CDH18: variants seen among roughly 807,000 people sequenced by gnomAD.
CDH18 encodes cadherin-18.
Under a neutral mutation model 67.9 loss-of-function variants are expected in CDH18, and 31 were observed. The ratio of observed to expected loss-of-function variants is 0.46; its 90% CI spans 0.34 to 0.62. The LOEUF (loss-of-function observed/expected upper bound fraction) is 0.62, where lower values mean the gene tolerates loss of function less well. CDH18 is among the 20% of genes least tolerant of loss of function. The pLI is 0.01. For synonymous variants in CDH18, 362 were observed against 347.2 expected (o/e 1.04, Z -0.48); for missense variants, 890 against 975.5 (o/e 0.91, Z 1.17).
chr5:20,051,166 T>C (rs1406354855), intron 2 of CDH18, among the ~76,000 whole-genome samples: 4 of 151,978 alleles, frequency 2.6e-5, no homozygotes, highest in Admixed American at 2.6e-4. Flanking sequence ...ATAAAATTGC[T>C]ATCCTATTTT....
chr5:20,374,157 A>G (rs1743227340), intron 1 of CDH18, among the ~76,000 whole-genome samples: 1 of 152,166 alleles, frequency 6.6e-6, no homozygotes, highest in African/African-American at 2.4e-5. Flanking sequence ...ATTACAAGGA[A>G]TGGGTTAAAA....
chr5:20,358,115 A>T (rs1000678789), intron 1 of CDH18, among the ~76,000 whole-genome samples: 1 of 152,148 alleles, frequency 6.6e-6, no homozygotes, highest in Non-Finnish European at 1.5e-5. Context: ...ACATTGACAT[A>T]AATATGGAAA....
At chr5:20,281,955 C>A (rs974951384) in intron 1 of CDH18, among the ~76,000 whole-genome samples, 5 of 151,942 alleles carry the variant, frequency 3.3e-5, no homozygotes, top group Admixed American at 6.6e-5. Context: ...ATTCCTAGGT[C>A]TTTTCTTCTC....
chr5:19,554,164 G>A (rs11953783), intron 8 of CDH18, among the ~76,000 whole-genome samples: 15,619 of 152,086 alleles, frequency 0.1, 1,034 homozygotes, highest in Non-Finnish European at 0.13. Context: ...AGATATTTGC[G>A]GATACTTTTT....
At chr5:19,911,508 A>T (rs1016833726) in intron 2 of CDH18, among the ~76,000 whole-genome samples, 3 of 151,892 alleles carry the variant, frequency 2.0e-5, no homozygotes, top group Non-Finnish European at 4.4e-5. Context: ...TGGAAATGGG[A>T]TCTTTTGGAG....
At chr5:19,556,466 G>T (rs746300627) in intron 8 of CDH18, among the ~76,000 whole-genome samples, 1 of 151,966 alleles carries the variant, frequency 6.6e-6, no homozygotes, top group African/African-American at 2.4e-5. Flanking sequence ...CATACTTAGG[G>T]AAATGCAAAA....
At chr5:20,317,185 A>G (rs1737549648) in intron 1 of CDH18, among the ~76,000 whole-genome samples, 1 of 152,054 alleles carries the variant, frequency 6.6e-6, no homozygotes, top group Non-Finnish European at 1.5e-5. Flanking sequence ...TATTCCTACA[A>G]TAAATGTCTA....
At chr5:19,543,685 A>C (rs1371744154) in intron 9 of CDH18, among the ~76,000 whole-genome samples, 184 bp downstream of exon 9, 2 of 152,138 alleles carry the variant, frequency 1.3e-5, no homozygotes, top group Non-Finnish European at 2.9e-5. Flanking sequence ...AATTACAGTA[A>C]GGAGGAAGGC....
At chr5:19,965,170 T>A (rs1415354558) in intron 2 of CDH18, among the ~76,000 whole-genome samples, 1 of 152,144 alleles carries the variant, frequency 6.6e-6, no homozygotes, top group African/African-American at 2.4e-5. Context: ...AATAGATCTA[T>A]CTCACTCTAT....
chr5:19,687,652 T>C (rs1761294262), intron 5 of CDH18, among the ~76,000 whole-genome samples: 1 of 152,178 alleles, frequency 6.6e-6, no homozygotes, highest in African/African-American at 2.4e-5. Context: ...TTCACATGCC[T>C]TAGAGACTAG....
intron 2 of CDH18, among the ~76,000 whole-genome samples, chr5:20,152,497 A>T (rs1751203485): frequency 1.3e-5 from 2 of 151,782 alleles, no homozygotes; most frequent in Admixed American, 6.6e-5. Flanking sequence ...ATGCTTGCAG[A>T]GTGGGTATTA....
chr5:20,542,398 T>C (rs893046439), intron 1 of CDH18, among the ~76,000 whole-genome samples: 2 of 151,480 alleles, frequency 1.3e-5, no homozygotes, highest in African/African-American at 4.8e-5. Context: ...GGTCTTGTGG[T>C]AAGGGTTTCT....
At chr5:19,565,114 T>C (rs1295081805) in intron 8 of CDH18, among the ~76,000 whole-genome samples, 1 of 152,018 alleles carries the variant, frequency 6.6e-6, no homozygotes, top group Non-Finnish European at 1.5e-5. Context: ...CTGTGGAACA[T>C]GAGAGGCAAC....
chr5:20,078,862 C>T (rs563308759), intron 2 of CDH18, among the ~76,000 whole-genome samples: 5 of 152,242 alleles, frequency 3.3e-5, no homozygotes, highest in South Asian at 4.2e-4. Flanking sequence ...GTGATCCACC[C>T]GCCTCGGCCT....
At chr5:19,488,488 G>A (rs1313483831) in intron 11 of CDH18, among the ~76,000 whole-genome samples, 2 of 152,248 alleles carry the variant, frequency 1.3e-5, no homozygotes, top group African/African-American at 2.4e-5. Flanking sequence ...TGTGTATGAA[G>A]AGAAAGCTAG....
Position 19,785,381 on chromosome 5 carries a change from G to A in CDH18, c.229-38145C>T, listed in dbSNP as rs945322125. 3.3e-5 allele frequency among the ~76,000 whole-genome samples: 5 copies of A among 151,344 alleles called. 1 individual carries two copies. The highest frequency in any genetic ancestry group is 7.4e-5 in the Non-Finnish European group (5 of 67,880). On this transcript the variant is annotated intron_variant, in intron 3 of 12. Transcript: ENST00000382275. ...ATATATGCATCTGTAGGCCAGGCGCGGTGGCTCATACCTGCAATCCCAGCA... is the reference window on the plus strand; with the variant it reads ...ATATATGCATCTGTAGGCCAGGCGCAGTGGCTCATACCTGCAATCCCAGCA...
intron 2 of CDH18, among the ~76,000 whole-genome samples, chr5:19,926,094 T>TA (rs1793051306): frequency 6.6e-6 from 1 of 152,204 alleles, no homozygotes; most frequent in Non-Finnish European, 1.5e-5. Context: ...CTGCAATTTT[T>TA]TTTCAAATTG....
At chr5:20,509,438 C>T (rs1053534530) in intron 1 of CDH18, among the ~76,000 whole-genome samples, 145 of 138,150 alleles carry the variant, frequency 1.0e-3, no homozygotes, top group Middle Eastern at 4.7e-3. Flanking sequence ...GAGTCTCATT[C>T]TGTCACCAGG....
intron 1 of CDH18, among the ~76,000 whole-genome samples, chr5:20,414,046 A>G (rs1747052079): frequency 6.6e-6 from 1 of 152,172 alleles, no homozygotes; most frequent in South Asian, 2.1e-4. Flanking sequence ...AAAACAACAT[A>G]TGTTGGCAAG....
Sources: gnomAD v4.1 joint callset for allele counts (sites outside exome capture counted in the v4.1 genomes callset) on GRCh38, gnomAD v4.1.1 for gene constraint, MANE v1.5 for transcripts, NCBI Gene and HGNC (gene_info 2026-07-23, HGNC 2026-07-21) for gene names.